Variants in PLPPR5 observed in about 807,000 individuals in gnomAD.
PLPPR5 encodes phospholipid phosphatase-related protein type 5.
A neutral mutation model predicts 33.9 loss-of-function variants in PLPPR5; 16 were observed. The observed-to-expected ratio is 0.47, with a 90% CI of 0.32 to 0.72. The LOEUF is 0.72. PLPPR5 is among the 30% of genes least tolerant of loss of function. The pLI is 0.03. For synonymous variants in PLPPR5, 163 were observed against 150.3 expected (o/e 1.08, Z -0.62); for missense variants, 301 against 406.7 (o/e 0.74, Z 2.23).
chr1:98,973,670 G>A (rs539893976), intron 1 of PLPPR5, among the ~76,000 whole-genome samples: 2 of 152,042 alleles, frequency 1.3e-5, no homozygotes, highest in African/African-American at 4.8e-5. Flanking sequence ...AGGACATAGG[G>A]TTGACACAAT....
intron 5 of PLPPR5, among the ~76,000 whole-genome samples, chr1:98,907,619 T>C (rs545274041): frequency 1.8e-4 from 28 of 152,356 alleles, no homozygotes; most frequent in African/African-American, 6.3e-4. Context: ...AGGACAGATT[T>C]AGCTCAGTTG....
At chr1:98,909,743 C>G (rs902860417) in intron 5 of PLPPR5, among the ~76,000 whole-genome samples, 1 of 152,086 alleles carries the variant, frequency 6.6e-6, no homozygotes, top group African/African-American at 2.4e-5. Flanking sequence ...TGCACTGGAT[C>G]CCATTGATTT....
At chr1:98,907,203 CTTT>C (rs5776440) in intron 5 of PLPPR5, among the ~76,000 whole-genome samples, 1 of 132,176 alleles carries the variant, frequency 7.6e-6, no homozygotes, top group Non-Finnish European at 1.6e-5. Context: ...TATTGTAATC[CTTT>C]TTTTTTTTTT....
At chr1:98,921,808 A>G in intron 4 of PLPPR5, 74 bp downstream of exon 4, 1 of 1,224,542 alleles carries the variant, frequency 8.2e-7, no homozygotes, top group South Asian at 1.4e-5. Flanking sequence ...CCAGTGATTC[A>G]CACTTGTATT....
intron 1 of PLPPR5, among the ~76,000 whole-genome samples, chr1:98,982,521 A>T (rs1043467313): frequency 1.5e-4 from 23 of 152,040 alleles, no homozygotes; most frequent in Admixed American, 1.5e-3. Flanking sequence ...GAAACAACCA[A>T]TCTGCTTTTT....
At chr1:98,945,818 G>C (rs937566911) in intron 3 of PLPPR5, among the ~76,000 whole-genome samples, 1 of 152,196 alleles carries the variant, frequency 6.6e-6, no homozygotes, top group African/African-American at 2.4e-5. Context: ...TTTAGCCATA[G>C]TGTAAGTAAG....
upstream of PLPPR5, among the ~76,000 whole-genome samples, chr1:99,005,242 A>G (rs1037753585): frequency 2.0e-5 from 3 of 152,134 alleles, no homozygotes; most frequent in Admixed American, 2.0e-4. Flanking sequence ...GGTTTAAGAA[A>G]CCCGCACAAC....
At chr1:99,003,099 A>G (rs1652930738) in intron 1 of PLPPR5, among the ~76,000 whole-genome samples, 1 of 137,836 alleles carries the variant, frequency 7.3e-6, no homozygotes, top group Non-Finnish European at 1.6e-5. Flanking sequence ...ATATATATGT[A>G]AAACATTATC....
chr1:98,897,675 C>T (rs1043037292), intron 5 of PLPPR5, among the ~76,000 whole-genome samples: 10 of 152,106 alleles, frequency 6.6e-5, no homozygotes, highest in Admixed American at 1.3e-4. Context: ...TCTGTTGCTG[C>T]GGAAGCTGTG....
intron 1 of PLPPR5, among the ~76,000 whole-genome samples, chr1:98,981,300 A>C (rs1652056244): frequency 6.6e-6 from 1 of 152,034 alleles, no homozygotes; most frequent in Non-Finnish European, 1.5e-5. Flanking sequence ...ATTGTAATAC[A>C]TTTTTGACTC....
chr1:98,997,620 T>C (rs1225131951), intron 1 of PLPPR5, among the ~76,000 whole-genome samples: 1 of 152,224 alleles, frequency 6.6e-6, no homozygotes, highest in Non-Finnish European at 1.5e-5. Flanking sequence ...TTTACATTTT[T>C]TTAATCTTTG....
In PLPPR5 at chr1:98,892,723, G is replaced by T. The variant is rs142347689; in HGVS notation, c.*349C>A. The stretch of plus-strand genomic sequence containing the variant: ...ATAGAAGGTTTTCATACACAAATAC[G>T]ATTTATGTAGAGATTTCTTTTAACA... On this transcript the variant is annotated 3_prime_UTR_variant, in exon 6 of 6. Transcript: ENST00000263177. The T allele has an allele frequency of 1.5e-5, 3 of 198,410 alleles. No individual in the cohort carries two copies. The highest frequency in any genetic ancestry group is 2.4e-5 in the African/African-American group (1 of 42,498). 12.3% of individuals were successfully genotyped at this position (198,410 alleles called of 1,614,324 possible).
At chr1:98,930,812 C>T (rs1350862932) in intron 3 of PLPPR5, among the ~76,000 whole-genome samples, 2 of 152,030 alleles carry the variant, frequency 1.3e-5, no homozygotes, top group Non-Finnish European at 2.9e-5. Flanking sequence ...TCAAGGCTTG[C>T]GATTACCCTC....
At chr1:98,985,119 G>A (rs1480797709) in intron 1 of PLPPR5, among the ~76,000 whole-genome samples, 1 of 151,980 alleles carries the variant, frequency 6.6e-6, no homozygotes, top group Non-Finnish European at 1.5e-5. Flanking sequence ...TGGGATGAAG[G>A]AGCTCTTAGA....
intron 3 of PLPPR5, among the ~76,000 whole-genome samples, chr1:98,928,345 G>A (rs1225651699): frequency 6.6e-6 from 1 of 151,748 alleles, no homozygotes; most frequent in South Asian, 2.1e-4. Context: ...AAAATTTAGT[G>A]TCTGAACTGA....
chr1:98,946,881 T>C (rs1650576030), intron 3 of PLPPR5, among the ~76,000 whole-genome samples: 1 of 152,066 alleles, frequency 6.6e-6, no homozygotes, highest in African/African-American at 2.4e-5. Flanking sequence ...GAAAAGAAAA[T>C]GTTTAATGTA....
At chr1:98,984,485 A>G (rs1652184273) in intron 1 of PLPPR5, among the ~76,000 whole-genome samples, 1 of 152,092 alleles carries the variant, frequency 6.6e-6, no homozygotes, top group Admixed American at 6.6e-5. Context: ...TAAAGTGGCC[A>G]TTATGTAGAA....
At chr1:98,930,532 G>GA (rs1195693479) in intron 3 of PLPPR5, among the ~76,000 whole-genome samples, 1 of 152,074 alleles carries the variant, frequency 6.6e-6, no homozygotes, top group South Asian at 2.1e-4. Context: ...TATAATAACA[G>GA]AAAAAGACTC....
At chr1:98,990,525 T>C (rs1652417491) in intron 1 of PLPPR5, among the ~76,000 whole-genome samples, 1 of 152,180 alleles carries the variant, frequency 6.6e-6, no homozygotes, top group African/African-American at 2.4e-5. Flanking sequence ...AGGCAAAATG[T>C]GACTATGTTA....
Sources: allele counts gnomAD v4.1 joint callset (sites outside exome capture counted in the v4.1 genomes callset), GRCh38; gene constraint gnomAD v4.1.1; transcripts MANE v1.5; gene names NCBI Gene and HGNC (gene_info 2026-07-23, HGNC 2026-07-21).